Variants in TCF7L2 observed in about 807,000 individuals in gnomAD.
TCF7L2 encodes the protein transcription factor 7 like 2, also known as transcription factor 7-like 2.
In TCF7L2, 23 loss-of-function variants were observed where a neutral mutation model predicts 77.9. The ratio of observed to expected loss-of-function variants is 0.30; its 90% CI spans 0.21 to 0.42. TCF7L2 has a LOEUF of 0.42. Among genes scored for constraint, TCF7L2 ranks in the 10% least tolerant of loss-of-function variants. The pLI is 1.00. For synonymous variants in TCF7L2, 413 were observed against 340.2 expected (o/e 1.21, Z -2.36); for missense variants, 654 against 793.1 (o/e 0.82, Z 2.11).
At position 113,166,059 on chromosome 10, in the gene TCF7L2, G is replaced by C; in HGVS notation, c.*87G>C. ...CCCCACCCCCACCTTGAAAGGTTTTGTTTTGTACTCTCTTAATTTTGTGCC... is the reference window on the plus strand; with the variant it reads ...CCCCACCCCCACCTTGAAAGGTTTTCTTTTGTACTCTCTTAATTTTGTGCC... On this transcript the variant is annotated 3_prime_UTR_variant, in exon 14 of 14. Coordinates refer to ENST00000627217, the MANE Select transcript of TCF7L2 (RefSeq NM_001146274.2). 1 of 1,280,032 alleles carries C rather than the reference G, an allele frequency of 7.8e-7. No homozygotes were observed. The highest frequency in any genetic ancestry group is 2.6e-5 in the East Asian group (1 of 38,290). 79.3% of individuals were successfully genotyped at this position (1,280,032 alleles called of 1,614,324 possible).
At chr10:113,044,488 T>G (rs2053075828) in intron 5 of TCF7L2, among the ~76,000 whole-genome samples, 1 of 152,160 alleles carries the variant, frequency 6.6e-6, no homozygotes, top group Non-Finnish European at 1.5e-5. Flanking sequence ...GGACGTGGCA[T>G]GTGTTGGGAG....
intron 4 of TCF7L2, among the ~76,000 whole-genome samples, chr10:113,020,790 G>A (rs1344028366): frequency 6.6e-6 from 1 of 152,094 alleles, no homozygotes; most frequent in African/African-American, 2.4e-5. Flanking sequence ...CAGAGGGGAG[G>A]GAACCAGTGT....
Position 112,951,473 on chromosome 10 carries a change from G to A in TCF7L2, c.257-10G>A, listed in dbSNP as rs2031271282. 4 of 1,417,192 alleles carry A rather than the reference G, an allele frequency of 2.8e-6. No homozygotes were observed. Among genetic ancestry groups the A allele is most frequent in the East Asian group, 3.7e-5 (1 of 27,148 alleles). The allele number at this position is 1,417,192 out of a possible 1,614,324, so 87.8% of individuals were successfully genotyped here. A position where few individuals can be genotyped will look rare whatever the true frequency, so the allele number is the denominator to read the frequency against. ...GCCGCCGCTGTCCCCTCGCCGCCCCGCCATGTTAGCGGCCAAGAGGCAAGA... is the reference window on the plus strand; with the variant it reads ...GCCGCCGCTGTCCCCTCGCCGCCCCACCATGTTAGCGGCCAAGAGGCAAGA... On this transcript the variant is annotated splice_polypyrimidine_tract_variant and intron_variant, in intron 2 of 13. Coordinates refer to ENST00000627217, the MANE Select transcript of TCF7L2 (RefSeq NM_001146274.2).
intron 5 of TCF7L2, among the ~76,000 whole-genome samples, chr10:113,140,946 T>C (rs1322121098): frequency 6.6e-6 from 1 of 152,104 alleles, no homozygotes; most frequent in African/African-American, 2.4e-5. Context: ...AGAAGGTATT[T>C]TAAAAGCCAG....
chr10:113,076,084 C>T (rs1415517438), intron 5 of TCF7L2, among the ~76,000 whole-genome samples: 2 of 141,314 alleles, frequency 1.4e-5, no homozygotes, highest in Non-Finnish European at 3.0e-5. Flanking sequence ...TGTAGTGAGC[C>T]GAAATCACGC....
chr10:113,001,275 A>G (rs1247022966), intron 4 of TCF7L2, among the ~76,000 whole-genome samples: 1 of 152,200 alleles, frequency 6.6e-6, no homozygotes, highest in African/African-American at 2.4e-5. Context: ...GTGGTCCAAC[A>G]AAGAGTATTT....
Position 112,951,246 on chromosome 10 carries a change from G to T in TCF7L2, c.229G>T (p.Asp77Tyr). ...TCCGCCTCGCTCCGAAAGTTTCCGAGACAAATCCCGGGAAAGTTTGGAAGA... is the reference window on the plus strand; with the variant it reads ...TCCGCCTCGCTCCGAAAGTTTCCGATACAAATCCCGGGAAAGTTTGGAAGA... Residue 77 changes from aspartate (D) to tyrosine (Y), a missense_variant, in exon 2 of 14, where the codon GAC (aspartate) becomes TAC (tyrosine). By Grantham distance (160) the Asp-to-Tyr change is radical (BLOSUM62 -3). Transcript: ENST00000627217. 6.4e-7 allele frequency: 1 copy of T among 1,567,456 alleles called. No individual in the cohort carries two copies. The highest frequency in any genetic ancestry group is 8.6e-7 in the Non-Finnish European group (1 of 1,159,494).
At chr10:113,155,698 G>A (rs2071728896) in intron 11 of TCF7L2, among the ~76,000 whole-genome samples, 1 of 152,212 alleles carries the variant, frequency 6.6e-6, no homozygotes, top group Non-Finnish European at 1.5e-5. Context: ...GATACTCCTT[G>A]AAGTTAAAAC....
intron 3 of TCF7L2, among the ~76,000 whole-genome samples, chr10:112,963,928 G>A (rs1236762693): frequency 6.6e-6 from 1 of 152,116 alleles, no homozygotes; most frequent in East Asian, 1.9e-4. Flanking sequence ...CTTTGGGGAA[G>A]TGTGGATTAC....
chr10:112,992,696 T>C (rs767951003), intron 4 of TCF7L2, among the ~76,000 whole-genome samples: 4 of 152,106 alleles, frequency 2.6e-5, no homozygotes, highest in Non-Finnish European at 5.9e-5. Context: ...AAACCCCTCC[T>C]GAGGACTGGA....
In TCF7L2 at chr10:113,151,075, C is replaced by T. The variant is rs2070656724; in HGVS notation, c.953C>T (p.Thr318Ile). ...CCGCATCCGGCCATAGTCACACCAA[C>T]AGTCAAACAGGAATCGTCCCAGAGT... Residue 318 changes from threonine to isoleucine, a missense_variant, in exon 9 of 14, where the codon ACA becomes ATA. Around this residue, in one of 6 missense-constraint regions of TCF7L2, gnomAD observed 179 missense variants for 270.6 expected, o/e 0.66. Coordinates refer to ENST00000627217, the MANE Select transcript of TCF7L2 (RefSeq NM_001146274.2). This position sits in a 1 kb window ranked among gnomAD's most constrained non-coding sequence, Gnocchi z 5.2. 6.2e-7 allele frequency: 1 copy of T among 1,614,228 alleles called. No homozygotes were observed.
intron 5 of TCF7L2, among the ~76,000 whole-genome samples, chr10:113,070,592 T>A (rs928358357): frequency 2.2e-4 from 34 of 152,190 alleles, no homozygotes; most frequent in African/African-American, 7.2e-4. Flanking sequence ...TTAATCCTCG[T>A]GACATTTTGG....
chr10:113,126,842 C>G, intron 5 of TCF7L2: 1 of 987,232 alleles, frequency 1.0e-6, no homozygotes, highest in South Asian at 4.7e-5. Flanking sequence ...TGCCCGCGAG[C>G]CGGCAGCGGG....
intron 4 of TCF7L2, among the ~76,000 whole-genome samples, chr10:112,968,951 G>A (rs796870959): frequency 3.9e-5 from 6 of 152,192 alleles, no homozygotes; most frequent in South Asian, 2.1e-4. Context: ...TGTACTCAGC[G>A]CTTCTATTGT....
intron 4 of TCF7L2, among the ~76,000 whole-genome samples, chr10:112,977,315 C>T (rs1454973773): frequency 6.6e-6 from 1 of 152,110 alleles, no homozygotes; most frequent in Admixed American, 6.5e-5. Context: ...GGTGAGGCTG[C>T]CCTGTAGGGA....
intron 4 of TCF7L2, among the ~76,000 whole-genome samples, chr10:113,029,445 AGAACGGGT>A (rs2049812238): frequency 6.6e-6 from 1 of 151,962 alleles, no homozygotes; most frequent in South Asian, 2.1e-4. Context: ...GATTTTGTAT[AGAACGGGT>A]TCACAGGTTT....
At chr10:112,991,138 C>T (rs557597966) in intron 4 of TCF7L2, among the ~76,000 whole-genome samples, 4 of 152,260 alleles carry the variant, frequency 2.6e-5, no homozygotes, top group South Asian at 2.1e-4. Flanking sequence ...CCCACTTCCC[C>T]TCTCTGGGAA....
At chr10:113,160,070 G>T in intron 12 of TCF7L2, 78 bp downstream of exon 14, 1 of 1,311,482 alleles carries the variant, frequency 7.6e-7, no homozygotes, top group South Asian at 1.2e-5. Flanking sequence ...CTGGCCTGTT[G>T]CTTTGTAGCT....
intron 5 of TCF7L2, among the ~76,000 whole-genome samples, chr10:113,108,929 G>A (rs1240875322): frequency 6.6e-6 from 1 of 152,148 alleles, no homozygotes; most frequent in East Asian, 1.9e-4. Context: ...CTTAATTATA[G>A]TATTCAGCCT....
Sources: allele counts gnomAD v4.1 joint callset (sites outside exome capture counted in the v4.1 genomes callset), GRCh38; gene constraint gnomAD v4.1.1; regional missense constraint gnomAD v4.1.1; non-coding constraint Gnocchi (gnomAD v3.1); transcripts MANE v1.5; gene names NCBI Gene and HGNC (gene_info 2026-07-23, HGNC 2026-07-21).